Variants in SEMA4B observed in about 807,000 individuals in gnomAD.
The protein encoded by SEMA4B is semaphorin 4B, also known as semaphorin-4B.
Under a neutral mutation model 88.1 loss-of-function variants are expected in SEMA4B, and 55 were observed. The observed-to-expected ratio is 0.62, with a 90% CI of 0.50 to 0.78. SEMA4B has a LOEUF of 0.78. Among genes scored for constraint, SEMA4B ranks in the 30% least tolerant of loss-of-function variants. The pLI is 0.00. For synonymous variants in SEMA4B, 525 were observed against 473.6 expected, an observed-to-expected ratio of 1.11 and a Z score of -1.41; for missense variants, 1,062 against 1,111.9, an observed-to-expected ratio of 0.96 and a Z score of 0.64.
chr15:90,229,193 C>G lies in SEMA4B; in HGVS notation c.*550C>G, dbSNP rs1227229247. ...CAGTCAGCCGAGGATGTAGTTGTTG[C>G]TGCCGTCGTCCCACCACCTCAGGGA... is the stretch of plus-strand genomic sequence containing the variant. On this transcript the variant is annotated 3_prime_UTR_variant, in exon 14 of 14. Transcript: ENST00000411539. 4.2e-5 allele frequency: 17 copies of G among 400,842 alleles called. No individual in the cohort carries two copies. The Admixed American group carries it at 4.9e-4, about 12-fold the overall frequency. The allele number at this position is 400,842 out of a possible 1,614,324, so 24.8% of individuals were successfully genotyped here.
chr15:90,219,809 ACAT>A lies in SEMA4B; in HGVS notation c.404_406del (p.Ile135del). On this transcript the variant is annotated inframe_deletion, in exon 4 of 14. Transcript: ENST00000411539. ...TCCCCCCAGCGCGACTGTCAAAACT[ACAT>A]CAAGATCCTCCTGCCGCTCAGCGGC... 6.2e-7 allele frequency: 1 copy of A among 1,613,532 alleles called. No individual in the cohort carries two copies. Among genetic ancestry groups the A allele is most frequent in the Non-Finnish European group, 8.5e-7 (1 of 1,179,736 alleles).
At chr15:90,198,710 G>A (rs1012653430), upstream of SEMA4B, among the ~76,000 whole-genome samples, 4 of 152,160 alleles carry the variant, frequency 2.6e-5, no homozygotes, top group African/African-American at 9.7e-5. Flanking sequence ...TGTACCTGGT[G>A]TGGATGAGTG....
At chr15:90,221,330 T>C (rs1316827447) in intron 5 of SEMA4B, 37 bp from the exon 6 acceptor site, 3 of 1,500,048 alleles carry the variant, frequency 2.0e-6, no homozygotes, top group African/African-American at 1.4e-5. Flanking sequence ...GGGGCCGTGC[T>C]GAGGAGCCCA....
At position 90,201,416 on chromosome 15, in the gene SEMA4B, C is replaced by G; in HGVS notation, c.-163C>G. On this transcript the variant is annotated 5_prime_UTR_variant, in exon 1 of 14. Transcript: ENST00000411539. ...GTGCCCCGCGGAGGGGCTGAGTTTG[C>G]CAGGGCCCACTTGACCCTGTTTCCC... 3 of 1,284,538 alleles carry G rather than the reference C, an allele frequency of 2.3e-6. No homozygotes were observed. The highest frequency in any genetic ancestry group is 2.9e-6 in the Non-Finnish European group (3 of 1,017,804). 79.6% of individuals were successfully genotyped at this position (1,284,538 alleles called of 1,614,324 possible).
chr15:90,223,053 C>T (rs1247675206), intron 7 of SEMA4B, among the ~76,000 whole-genome samples: 1 of 151,106 alleles, frequency 6.6e-6, no homozygotes, highest in Non-Finnish European at 1.5e-5. Flanking sequence ...GCAACCTCCG[C>T]TGCCCAATCT....
chr15:90,185,101 G>T (rs1349427592), intron 1 of SEMA4B: 8 of 979,030 alleles, frequency 8.2e-6, no homozygotes, highest in Non-Finnish European at 9.7e-6. Context: ...GGGGGTGCCT[G>T]GCGAGGTGGG....
Position 90,223,545 on chromosome 15 carries a change from G to A in SEMA4B, c.862-14G>A, listed in dbSNP as rs138639808. The A allele has an allele frequency of 1.4e-3, 2,116 of 1,561,798 alleles. 6 individuals carry two copies. The highest frequency in any genetic ancestry group is 1.7e-3 in the Non-Finnish European group (2,012 of 1,151,026). ...GCATGTGCCTAAGCCCAGCCCATCCGACTCTCCCTCCAGGGCGATGAGGGT... is the reference window on the plus strand; with the variant it reads ...GCATGTGCCTAAGCCCAGCCCATCCAACTCTCCCTCCAGGGCGATGAGGGT... On this transcript the variant is annotated splice_polypyrimidine_tract_variant and intron_variant, in intron 7 of 13. Coordinates refer to ENST00000411539, the MANE Select transcript of SEMA4B (RefSeq NM_198925.4).
In SEMA4B at chr15:90,220,364, TTTC is replaced by T. The variant is rs1399675785; in HGVS notation, c.483+476_483+478del. On this transcript the variant is annotated intron_variant, in intron 4 of 13. Transcript: ENST00000411539. ...CATTTTATTTCTTTTTTCTTTTTCT[TTTC>T]TTTTTTTTTTTTTTTTTTGAGATGG... 336 of 138,274 alleles carry T rather than the reference TTTC, an allele frequency of 2.4e-3. 21 individuals carry two copies. The highest frequency in any genetic ancestry group is 9.1e-3 in the African/African-American group (304 of 33,358). The allele number at this position is 138,274 out of a possible 1,614,324, so 8.6% of individuals were successfully genotyped here. A position where few individuals can be genotyped will look rare whatever the true frequency, so the allele number is the denominator to read the frequency against.
chr15:90,209,626 A>G lies in SEMA4B; in HGVS notation c.158-7813A>G, dbSNP rs117392239. Among the ~76,000 whole-genome samples the G allele has an allele frequency of 4.0e-3, 613 of 152,148 alleles. 8 individuals are homozygous for G. Among genetic ancestry groups the G allele is most frequent in the South Asian group, 0.031 (148 of 4,828 alleles). Reference sequence around the variant, plus strand: ...TCCTCATCATCATCAAACATCAAACATTGCCATCATCCGACAGTGTCACCA... The same window carrying G: ...TCCTCATCATCATCAAACATCAAACGTTGCCATCATCCGACAGTGTCACCA... On this transcript the variant is annotated intron_variant, in intron 1 of 13. Coordinates refer to ENST00000411539, the MANE Select transcript of SEMA4B (RefSeq NM_198925.4).
intron 1 of SEMA4B, among the ~76,000 whole-genome samples, chr15:90,207,815 T>C (rs1961066466): frequency 6.6e-6 from 1 of 152,072 alleles, no homozygotes; most frequent in South Asian, 2.1e-4. Context: ...TGCATGGCCA[T>C]AGTTGGGAAG....
chr15:90,222,954 G>GTGTATATATATATATATA (rs1555423712), intron 7 of SEMA4B, among the ~76,000 whole-genome samples: 14 of 130,618 alleles, frequency 1.1e-4, no homozygotes, highest in African/African-American at 4.2e-4. Flanking sequence ...GTAACTCTGT[G>GTGTATATATATATATATA]TATATATATA....
chr15:90,219,707 C>A, intron 3 of SEMA4B, 86 bp from the exon 4 acceptor site: 3 of 1,001,556 alleles, frequency 3.0e-6, no homozygotes, highest in Middle Eastern at 2.4e-4. Flanking sequence ...AGAGGCCGGG[C>A]CTGGGTGTGG....
At chr15:90,211,841 G>A (rs563031245) in intron 1 of SEMA4B, among the ~76,000 whole-genome samples, 1 of 152,320 alleles carries the variant, frequency 6.6e-6, no homozygotes, top group Admixed American at 6.5e-5. Flanking sequence ...CCACAGGGAA[G>A]CTGGTGTTTT....
Position 90,225,446 on chromosome 15 carries a change from C to G in SEMA4B, c.1521+49C>G, listed in dbSNP as rs1460745076. The G allele has an allele frequency of 2.0e-6, 3 of 1,484,742 alleles. No homozygotes were observed. In the South Asian group the frequency reaches 3.6e-5, roughly 18 times the overall value. 92.0% of individuals were successfully genotyped at this position (1,484,742 alleles called of 1,614,324 possible). A position where few individuals can be genotyped will look rare whatever the true frequency, so the allele number is the denominator to read the frequency against. On this transcript the variant is annotated intron_variant, in intron 11 of 13. Coordinates refer to ENST00000411539, the MANE Select transcript of SEMA4B (RefSeq NM_198925.4). ...TGGCAGGGTACTTGGGGGGTGCCCT[C>G]CATTAGCACCAAGCAGTCCCCACCC... is the stretch of plus-strand genomic sequence containing the variant.
At chr15:90,219,020 G>C (rs1596148391) in intron 3 of SEMA4B, among the ~76,000 whole-genome samples, 1 of 152,176 alleles carries the variant, frequency 6.6e-6, no homozygotes, top group Admixed American at 6.5e-5. Flanking sequence ...AGGCTGAGCA[G>C]AGATGTGACA....
At chr15:90,195,852 T>C (rs1240568254) in intron 1 of SEMA4B, among the ~76,000 whole-genome samples, 1 of 152,032 alleles carries the variant, frequency 6.6e-6, no homozygotes, top group African/African-American at 2.4e-5. Context: ...TCAGGCAGTC[T>C]GCCTGCCTCG....
Position 90,212,009 on chromosome 15 carries a change from C to T in SEMA4B, c.158-5430C>T, listed in dbSNP as rs1376050157. The stretch of plus-strand genomic sequence containing the variant: ...TGGCTGGCCTGGGGTGGGGACTAAC[C>T]AGGGTGGGGATGGTGCTGAGCCCTA... On this transcript the variant is annotated intron_variant, in intron 1 of 13. Coordinates refer to ENST00000411539, the MANE Select transcript of SEMA4B (RefSeq NM_198925.4). The surrounding 1 kb of genome is among the most constrained non-coding windows in gnomAD (Gnocchi z 4.0). 6.6e-6 allele frequency among the ~76,000 whole-genome samples: 1 copy of T among 152,146 alleles called. No homozygotes were observed. Among genetic ancestry groups the T allele is most frequent in the Non-Finnish European group, 1.5e-5 (1 of 67,970 alleles).
chr15:90,217,088 AT>A (rs907509240), intron 1 of SEMA4B: 12 of 179,844 alleles, frequency 6.7e-5, no homozygotes, highest in East Asian at 1.5e-4. Context: ...CTAATACATC[AT>A]TTTTTTTCCC....
upstream of SEMA4B, among the ~76,000 whole-genome samples, chr15:90,199,497 TTGGGCTCG>T (rs1295518508): frequency 1.7e-4 from 26 of 151,992 alleles, no homozygotes; most frequent in Non-Finnish European, 3.8e-4. Context: ...TTGGGACATG[TTGGGCTCG>T]AGATGGTTTT....
Sources: gnomAD v4.1 joint callset for allele counts (sites outside exome capture counted in the v4.1 genomes callset) on GRCh38, gnomAD v4.1.1 for gene constraint, Gnocchi (gnomAD v3.1) non-coding constraint, MANE v1.5 for transcripts, NCBI Gene and HGNC (gene_info 2026-07-23, HGNC 2026-07-21) for gene names.